Variants in ABAT observed in about 807,000 individuals in gnomAD.
ABAT encodes 4-aminobutyrate aminotransferase.
In ABAT, 45 loss-of-function variants were observed where a neutral mutation model predicts 64.6. The ratio of observed to expected loss-of-function variants is 0.70; its 90% confidence interval spans 0.55 to 0.89. ABAT has a LOEUF of 0.89. Ranked by LOEUF, ABAT falls within the 40% of genes least tolerant of loss-of-function variation. The pLI is 0.00. For missense variants in ABAT, 633 were observed against 658.4 expected (o/e 0.96, Z 0.42); for synonymous variants, 297 against 250.5 (o/e 1.19, Z -1.75).
chr16:8,725,163 G>A (rs372307558), intron 1 of ABAT, among the ~76,000 whole-genome samples: 7 of 152,250 alleles, frequency 4.6e-5, no homozygotes, highest in Non-Finnish European at 5.9e-5. Flanking sequence ...TGATCTACCC[G>A]TCTCGGCCTC....
In ABAT at chr16:8,734,731, C is replaced by T. The variant is rs757063303; in HGVS notation, c.-41-968C>T. Among the ~76,000 whole-genome samples the T allele has an allele frequency of 2.0e-4, 31 of 152,140 alleles. No individual in the cohort carries two copies. In the Middle Eastern group the frequency reaches 0.017, roughly 83 times the overall value. The stretch of plus-strand genomic sequence containing the variant: ...ACAAATTTTGTTCTGAGATACAATA[C>T]CATTTATGTAAAAAATACACATACC... On this transcript the variant is annotated intron_variant, in intron 1 of 15. Coordinates refer to ENST00000268251, the MANE Select transcript of ABAT (RefSeq NM_020686.6).
Position 8,779,473 on chromosome 16 carries a change from C to A in ABAT, c.1270-6C>A, listed in dbSNP as rs780962986. 6.2e-7 allele frequency: 1 copy of A among 1,613,650 alleles called. No homozygotes were observed. Among genetic ancestry groups the A allele is most frequent in the Non-Finnish European group, 8.5e-7 (1 of 1,179,624 alleles). On this transcript the variant is annotated splice_region_variant and splice_polypyrimidine_tract_variant and intron_variant, in intron 14 of 15. Transcript: ENST00000268251. ...TTGACGCCAGCCTTGTCTCCTCCCA[C>A]TACAGGCCCGGTACCCCCAGTTCAT...
chr16:8,724,993 C>T (rs61646670), intron 1 of ABAT, among the ~76,000 whole-genome samples: 13,127 of 151,032 alleles, frequency 0.087, 749 homozygotes, highest in African/African-American at 0.15. Context: ...CTCGGCTCAC[C>T]GCAACCTCCG....
At position 8,682,541 on chromosome 16, in the gene ABAT, A is replaced by G. The variant is rs1269132365; in HGVS notation, c.-42+7830A>G. 1.2e-4 allele frequency among the ~76,000 whole-genome samples: 19 copies of G among 152,230 alleles called. 1 individual carries two copies. In the East Asian group the frequency reaches 3.7e-3, roughly 29 times the overall value. On this transcript the variant is annotated intron_variant, in intron 1 of 15. Transcript: ENST00000268251. The stretch of plus-strand genomic sequence containing the variant: ...CCCACCAGAATTATGATTTAGTAGA[A>G]TCACCGGCGGCCAGAATGCTCCCAA...
chr16:8,676,443 C>G (rs76758618), intron 1 of ABAT, among the ~76,000 whole-genome samples: 4,111 of 152,128 alleles, frequency 0.027, 183 homozygotes, highest in African/African-American at 0.095. Context: ...GGTCCCAAGT[C>G]CCCACTTGTC....
At chr16:8,691,282 C>G (rs1483274667) in intron 1 of ABAT, among the ~76,000 whole-genome samples, 1 of 152,184 alleles carries the variant, frequency 6.6e-6, no homozygotes, top group Non-Finnish European at 1.5e-5. Context: ...TATTACAGAA[C>G]TTGCACCAGG....
chr16:8,681,136 C>G (rs1323772829), intron 1 of ABAT, among the ~76,000 whole-genome samples: 1 of 151,910 alleles, frequency 6.6e-6, no homozygotes, highest in Non-Finnish European at 1.5e-5. Context: ...TGCCACCACA[C>G]CTGGCTAATT....
intron 1 of ABAT, among the ~76,000 whole-genome samples, chr16:8,692,946 C>G (rs897371898): frequency 2.0e-5 from 3 of 152,288 alleles, no homozygotes; most frequent in Admixed American, 6.5e-5. Flanking sequence ...CTCCACCTCC[C>G]AGGTTCAAAT....
intron 8 of ABAT, 92 bp from the exon 9 acceptor site, chr16:8,766,116 C>A: frequency 8.0e-7 from 1 of 1,242,764 alleles, no homozygotes; most frequent in Non-Finnish European, 1.2e-6. Context: ...GCACTTTCTA[C>A]TTGTCTGGAC....
At chr16:8,750,684 A>G (rs2059455174) in intron 5 of ABAT, 145 bp downstream of exon 5, 1 of 784,370 alleles carries the variant, frequency 1.3e-6, no homozygotes, top group African/African-American at 1.7e-5. Context: ...AAAAAAATAA[A>G]TAATGTGTAA....
intron 1 of ABAT, among the ~76,000 whole-genome samples, chr16:8,688,653 A>T (rs1596399925): frequency 6.6e-6 from 1 of 152,086 alleles, no homozygotes; most frequent in Non-Finnish European, 1.5e-5. Flanking sequence ...GGGTCTTACT[A>T]TGTTGCCCAG....
At chr16:8,752,133 C>T (rs1057513434) in intron 5 of ABAT, among the ~76,000 whole-genome samples, 1 of 152,256 alleles carries the variant, frequency 6.6e-6, no homozygotes, top group African/African-American at 2.4e-5. Flanking sequence ...CCCTCCTCTT[C>T]TTCCCCTGCT....
At chr16:8,719,877 C>A (rs943369874) in intron 1 of ABAT, among the ~76,000 whole-genome samples, 6 of 152,192 alleles carry the variant, frequency 3.9e-5, no homozygotes, top group Admixed American at 3.3e-4. Flanking sequence ...AGTGGCACGA[C>A]CTCTACTCAC....
Position 8,761,297 on chromosome 16 carries a change from C to A in ABAT, c.367-2772C>A, listed in dbSNP as rs116531353. ...TGCCAGCAACCTCTCCCCATCGATC[C>A]CTCCCACCTCCCTTCTCACCCCCTC... On this transcript the variant is annotated intron_variant, in intron 6 of 15. Transcript: ENST00000268251. Among the ~76,000 whole-genome samples, 929 of 151,852 alleles carry A rather than the reference C, an allele frequency of 6.1e-3. 5 individuals are homozygous for A. The highest frequency in any genetic ancestry group is 0.021 in the African/African-American group (869 of 41,410).
chr16:8,690,656 C>T (rs550683207), intron 1 of ABAT, among the ~76,000 whole-genome samples: 1 of 152,302 alleles, frequency 6.6e-6, no homozygotes, highest in African/African-American at 2.4e-5. Context: ...TCATTCTCGG[C>T]AGTGCCTTTT....
intron 14 of ABAT, among the ~76,000 whole-genome samples, chr16:8,778,158 T>G (rs1486514266): frequency 6.6e-6 from 1 of 152,086 alleles, no homozygotes; most frequent in Non-Finnish European, 1.5e-5. Context: ...GAGAGTAAGG[T>G]GAAATCAAGG....
chr16:8,754,764 G>A (rs950272596), intron 5 of ABAT, among the ~76,000 whole-genome samples: 5 of 150,326 alleles, frequency 3.3e-5, no homozygotes, highest in African/African-American at 1.2e-4. Context: ...TGTTGCCCAG[G>A]CTGGAGTGCA....
chr16:8,712,403 A>G (rs1316769808), intron 1 of ABAT, among the ~76,000 whole-genome samples: 1 of 152,210 alleles, frequency 6.6e-6, no homozygotes, highest in Non-Finnish European at 1.5e-5. Flanking sequence ...TTAATGGTAG[A>G]GGCTAGTAGT....
Position 8,764,611 on chromosome 16 carries a change from C to T in ABAT, c.448-127C>T, listed in dbSNP as rs2059889856. ...TGAGCCCACCCTCCCAGTCCGACAC[C>T]TTCCAGGACAGCCCTGGTTCTGTCT... On this transcript the variant is annotated intron_variant, in intron 7 of 15. Transcript: ENST00000268251. This position sits in a 1 kb window ranked among gnomAD's most constrained non-coding sequence, Gnocchi z 4.2. 2.1e-6 allele frequency: 2 copies of T among 938,844 alleles called. No individual in the cohort carries two copies. Among genetic ancestry groups the T allele is most frequent in the South Asian group, 1.4e-5 (1 of 73,976 alleles). 58.2% of individuals were successfully genotyped at this position (938,844 alleles called of 1,614,324 possible).
Sources: gnomAD v4.1 joint callset for allele counts (sites outside exome capture counted in the v4.1 genomes callset) on GRCh38, gnomAD v4.1.1 for gene constraint, Gnocchi (gnomAD v3.1) non-coding constraint, MANE v1.5 for transcripts, NCBI Gene and HGNC (gene_info 2026-07-23, HGNC 2026-07-21) for gene names.